The following MMP15 variants were observed in gnomAD, a reference collection of about 807,000 sequenced individuals.
MMP15 encodes matrix metalloproteinase-15.
Under a neutral mutation model 65.0 loss-of-function variants are expected in MMP15, and 36 were observed. The observed-to-expected ratio is 0.55, with a 90% CI of 0.42 to 0.73. The LOEUF (loss-of-function observed/expected upper bound fraction) is 0.73, where lower values mean the gene tolerates loss of function less well. Ranked by LOEUF, MMP15 falls within the 30% of genes least tolerant of loss-of-function variation. MMP15 has a pLI of 0.00. For missense variants in MMP15, 870 were observed against 987.8 expected, an observed-to-expected ratio of 0.88 and a Z score of 1.60; for synonymous variants, 428 against 410.2, an observed-to-expected ratio of 1.04 and a Z score of -0.52.
intron 4 of MMP15, 128 bp from the exon 5 acceptor site, chr16:58,040,409 G>A (rs1959428089): frequency 8.1e-7 from 1 of 1,238,808 alleles, no homozygotes; most frequent in South Asian, 1.5e-5. Context: ...TAGGCCGAAA[G>A]AGCTCAGCCT....
rs763693146 is a variant in MMP15 at position 58,039,991 on chromosome 16, A to T, written c.557A>T (p.Asp186Val). ...GTCTTCCAGGAGGTGCCCTATGAGG[A>T]CATCCGGCTGCGGCGACAGAAGGAG... ...PLVFQEVPYE[D>V]IRLRRQKEAD... The change falls in exon 4 of 10, where the codon GAC becomes GTC. Residue 186 changes from aspartate (D) to valine (V), a missense_variant. Physicochemically the swap from Asp to Val is radical, Grantham distance 152. Coordinates refer to ENST00000219271, the MANE Select transcript of MMP15 (RefSeq NM_002428.4). 44 of 1,613,934 alleles carry T rather than the reference A, an allele frequency of 2.7e-5. No individual in the cohort carries two copies. In the East Asian group the frequency reaches 8.0e-4, roughly 29 times the overall value.
Position 58,028,868 on chromosome 16 carries a change from A to T in MMP15, c.162+2356A>T, listed in dbSNP as rs1355892294. Among the ~76,000 whole-genome samples, 3 of 152,176 alleles carry T rather than the reference A, an allele frequency of 2.0e-5. No homozygotes were observed. The East Asian group carries it at 5.8e-4, about 29-fold the overall frequency. On this transcript the variant is annotated intron_variant, in intron 1 of 9. Transcript: ENST00000219271. ...CCACTGAGCTGCCACGTCCTATCCC[A>T]CATTCTCCCTTGGATGTCCAATCCC...
intron 1 of MMP15, among the ~76,000 whole-genome samples, chr16:58,029,583 A>T (rs1963868568): frequency 6.6e-6 from 1 of 152,172 alleles, no homozygotes. Flanking sequence ...CTTCACACCC[A>T]GCCCTTGCCA....
rs202161687 is a variant in MMP15 at position 58,037,567 on chromosome 16, G to A, written c.258G>A (p.Met86Ile). Residue 86 changes from methionine (M) to isoleucine (I), a missense_variant, in exon 2 of 10, where the codon ATG (methionine) becomes ATA (isoleucine). Coordinates refer to ENST00000219271, the MANE Select transcript of MMP15 (RefSeq NM_002428.4). ...AQILASALAE[M>I]QRFYGIPVTG... ...TCTTGGCCTCGGCCCTTGCAGAGAT[G>A]CAGCGCTTCTACGGGATCCCAGTCA... The A allele has an allele frequency of 1.2e-6, 2 of 1,614,204 alleles. No homozygotes were observed. Among genetic ancestry groups the A allele is most frequent in the Non-Finnish European group, 1.7e-6 (2 of 1,180,036 alleles).
chr16:58,039,927 C>T lies in MMP15; in HGVS notation c.493C>T (p.Arg165Cys), dbSNP rs900023996. 5.6e-6 allele frequency: 9 copies of T among 1,612,526 alleles called. No homozygotes were observed. Among genetic ancestry groups the T allele is most frequent in the Non-Finnish European group, 7.6e-6 (9 of 1,179,130 alleles). Residue 165 changes from arginine (R) to cysteine (C), a missense_variant, in exon 4 of 10, where the codon CGC (arginine) becomes TGC (cysteine). Physicochemically the swap from Arg to Cys is radical, Grantham distance 180. Transcript: ENST00000219271. ...LGWYHSMEAV[R>C]RAFRVWEQAT... ...CTGGTACCACTCGATGGAGGCGGTG[C>T]GCAGGGCCTTCCGCGTGTGGGAGCA... is the stretch of plus-strand genomic sequence containing the variant.
At position 58,042,357 on chromosome 16, in the gene MMP15, G is replaced by A. The variant is rs1281961201; in HGVS notation, c.1291G>A (p.Val431Ile). ...CTACGAGCGCCAAGACGGTCGTTTT[G>A]TCTTTTTCAAAGGTGAGCAGAGGTA... ...AAYERQDGRF[V>I]FFKGDRYWLF... Residue 431 changes from valine to isoleucine, a missense_variant, in exon 7 of 10, where the codon GTC becomes ATC. By Grantham distance (29) the Val-to-Ile change is conservative (BLOSUM62 3). Coordinates refer to ENST00000219271, the MANE Select transcript of MMP15 (RefSeq NM_002428.4). 2.5e-6 allele frequency: 4 copies of A among 1,614,060 alleles called. No individual in the cohort carries two copies. The highest frequency in any genetic ancestry group is 1.7e-4 in the Middle Eastern group (1 of 6,056).
rs1222378806 is a variant in MMP15, at chr16:58,044,997, G to C, written c.1571-10G>C. 6.2e-7 allele frequency: 1 copy of C among 1,613,140 alleles called. No individual in the cohort carries two copies. The highest frequency in any genetic ancestry group is 1.1e-5 in the South Asian group (1 of 91,058). On this transcript the variant is annotated splice_polypyrimidine_tract_variant and intron_variant, in intron 9 of 9. Transcript: ENST00000219271. The stretch of plus-strand genomic sequence containing the variant: ...AACCTGAAGCCACTCTGGCCTCCTT[G>C]CCCCTGCAGCCTACACCTACTTCTA...
intron 3 of MMP15, among the ~76,000 whole-genome samples, chr16:58,038,927 G>T (rs1959389853): frequency 6.6e-6 from 1 of 152,152 alleles, no homozygotes; most frequent in Admixed American, 6.5e-5. Context: ...TAGACCTCAA[G>T]CCCCCAGAGT....
chr16:58,028,958 C>T (rs1162745587), intron 1 of MMP15, among the ~76,000 whole-genome samples: 1 of 152,246 alleles, frequency 6.6e-6, no homozygotes, highest in Non-Finnish European at 1.5e-5. Context: ...TCCTGCCCTG[C>T]AGGGCTGAGA....
At chr16:58,042,489 G>C in intron 7 of MMP15, 120 bp downstream of exon 7, 10 of 1,375,118 alleles carry the variant, frequency 7.3e-6, no homozygotes, top group Non-Finnish European at 9.9e-6. Flanking sequence ...TGCCCCCACT[G>C]TGGGCTCACT....
chr16:58,028,678 A>T (rs1325314028), intron 1 of MMP15, among the ~76,000 whole-genome samples: 1 of 151,866 alleles, frequency 6.6e-6, no homozygotes, highest in Non-Finnish European at 1.5e-5. Flanking sequence ...CACAGCTGGG[A>T]CCTTCTCGGA....
rs569175671 is a variant in MMP15, at chr16:58,036,588, C to T, written c.163-884C>T. On this transcript the variant is annotated intron_variant, in intron 1 of 9. Transcript: ENST00000219271. ...AAGGCTGTTTTCCTCAAACCTCACC[C>T]CTCAGCAGCCCATGGTTCCCCATTC... is the stretch of plus-strand genomic sequence containing the variant. 2.0e-5 allele frequency among the ~76,000 whole-genome samples: 3 copies of T among 152,350 alleles called. No individual in the cohort carries two copies. The East Asian group carries it at 5.8e-4, about 29-fold the overall frequency.
chr16:58,037,700 GT>G (rs1959362525), intron 2 of MMP15, 80 bp downstream of exon 2: 1 of 1,582,256 alleles, frequency 6.3e-7, no homozygotes, highest in East Asian at 2.2e-5. Context: ...AGCATGTGGA[GT>G]TTCCAGAAAA....
At chr16:58,041,524 T>C in intron 5 of MMP15, 93 bp from the exon 6 acceptor site, 2 of 1,398,778 alleles carry the variant, frequency 1.4e-6, no homozygotes, top group Non-Finnish European at 2.0e-6. Flanking sequence ...AGGATTTTAC[T>C]TTCCGCGTGG....
intron 1 of MMP15, among the ~76,000 whole-genome samples, chr16:58,033,184 G>GGACAT (rs1457849979): frequency 6.6e-6 from 1 of 152,236 alleles, no homozygotes; most frequent in Non-Finnish European, 1.5e-5. Flanking sequence ...AGACCCGGCC[G>GGACAT]GAGATGTCGG....
intron 1 of MMP15, among the ~76,000 whole-genome samples, chr16:58,033,157 G>A (rs1959266147): frequency 6.6e-6 from 1 of 152,234 alleles, no homozygotes; most frequent in South Asian, 2.1e-4. Context: ...AGGGTGGACT[G>A]AGATGGCCCA....
In MMP15 at chr16:58,026,115, G is replaced by A. The variant is rs928289628; in HGVS notation, c.-236G>A. 5.1e-6 allele frequency: 2 copies of A among 390,374 alleles called. No individual in the cohort carries two copies. Among genetic ancestry groups the A allele is most frequent in the African/African-American group, 4.2e-5 (2 of 48,022 alleles). 24.2% of individuals were successfully genotyped at this position (390,374 alleles called of 1,614,324 possible). A position where few individuals can be genotyped will look rare whatever the true frequency, so the allele number is the denominator to read the frequency against. On this transcript the variant is annotated 5_prime_UTR_variant, in exon 1 of 10. Coordinates refer to ENST00000219271, the MANE Select transcript of MMP15 (RefSeq NM_002428.4). ...CCGAGGCTGCGGAACCTCGCCGGGG[G>A]CAGCTCCGGTCGGCCCCCTTTCCCG...
intron 1 of MMP15, 104 bp downstream of exon 1, chr16:58,026,616 C>A: frequency 8.2e-7 from 1 of 1,217,972 alleles, no homozygotes; most frequent in Non-Finnish European, 1.0e-6. Context: ...GAGACGCGCC[C>A]CCTGTTCTGG....
At chr16:58,034,908 C>T (rs1038477915) in intron 1 of MMP15, among the ~76,000 whole-genome samples, 12 of 151,692 alleles carry the variant, frequency 7.9e-5, no homozygotes, top group South Asian at 2.1e-4. Context: ...GCTTTCCTCC[C>T]CAGGGCCCCA....
Sources: gnomAD v4.1 joint callset for allele counts (sites outside exome capture counted in the v4.1 genomes callset) on GRCh38, gnomAD v4.1.1 for gene constraint, MANE v1.5 for transcripts, NCBI Gene and HGNC (gene_info 2026-07-23, HGNC 2026-07-21) for gene names.